The following ACBD6 variants were observed in gnomAD, a reference collection of about 807,000 sequenced individuals.
ACBD6 encodes acyl-CoA-binding domain-containing protein 6.
Under a neutral mutation model 37.2 loss-of-function variants are expected in ACBD6, and 28 were observed. The observed-to-expected ratio is 0.75, with a 90% CI of 0.56 to 1.03. ACBD6 has a LOEUF of 1.03. Among genes scored for constraint, ACBD6 ranks in the 50% least tolerant of loss-of-function variants. ACBD6 has a pLI of 0.00. For missense variants in ACBD6, 340 were observed against 337.4 expected (o/e 1.01, Z -0.06); for synonymous variants, 113 against 126.8 (o/e 0.89, Z 0.73).
intron 10 of ACBD6, chr1:180,274,397 G>T: frequency 6.2e-7 from 1 of 1,614,194 alleles, no homozygotes; most frequent in Non-Finnish European, 8.5e-7. Flanking sequence ...CAATGGGCTG[G>T]ATTACACGGT....
chr1:180,285,183 T>C (rs916000899), downstream of ACBD6, among the ~76,000 whole-genome samples: 2 of 152,162 alleles, frequency 1.3e-5, no homozygotes, highest in African/African-American at 4.8e-5. Flanking sequence ...TGTTATTTCA[T>C]TGAAGCTAAG....
At chr1:180,413,245 T>A in intron 5 of ACBD6, 121 bp downstream of exon 5, 1 of 752,288 alleles carries the variant, frequency 1.3e-6, no homozygotes, top group Admixed American at 1.9e-5. Flanking sequence ...TTAGATATTC[T>A]GATATACTCT....
At chr1:180,389,796 A>T (rs1319078232) in intron 6 of ACBD6, among the ~76,000 whole-genome samples, 2 of 151,918 alleles carry the variant, frequency 1.3e-5, no homozygotes, top group Non-Finnish European at 2.9e-5. Context: ...TGCATAAATG[A>T]CTTCTTTTGA....
At chr1:180,466,034 T>C (rs1266214305) in intron 3 of ACBD6, among the ~76,000 whole-genome samples, 1 of 151,988 alleles carries the variant, frequency 6.6e-6, no homozygotes, top group Admixed American at 6.6e-5. Flanking sequence ...GAAAAGATAA[T>C]TATTGGGTAT....
chr1:180,459,135 AG>A (rs1650028758), intron 3 of ACBD6, among the ~76,000 whole-genome samples: 1 of 152,218 alleles, frequency 6.6e-6, no homozygotes, highest in Non-Finnish European at 1.5e-5. Context: ...TAGGTTCATT[AG>A]ACAATCTGGT....
chr1:180,438,417 T>C (rs903227812), intron 3 of ACBD6: 1 of 152,852 alleles, frequency 6.5e-6, no homozygotes, highest in Non-Finnish European at 1.5e-5. Flanking sequence ...AGGTTGTTCA[T>C]GAGACAATCA....
At chr1:180,370,890 T>C (rs1050092715) in intron 6 of ACBD6, among the ~76,000 whole-genome samples, 6 of 152,100 alleles carry the variant, frequency 3.9e-5, no homozygotes, top group Admixed American at 6.6e-5. Context: ...TGCAAACTTA[T>C]GGAAAACATG....
Position 180,290,187 on chromosome 1 carries a change from C to G in ACBD6, c.695-1670G>C, listed in dbSNP as rs556077649. On this transcript the variant is annotated intron_variant, in intron 7 of 7. Coordinates refer to ENST00000367595, the MANE Select transcript of ACBD6 (RefSeq NM_032360.4). Reference sequence around the variant, plus strand: ...TTGTTTCAAGAGAAAGGGTATGGAGCTGAATTTCACGGACTTTTTGAGACA... The same window carrying G: ...TTGTTTCAAGAGAAAGGGTATGGAGGTGAATTTCACGGACTTTTTGAGACA... Among the ~76,000 whole-genome samples the G allele has an allele frequency of 2.6e-5, 4 of 152,172 alleles. No homozygotes were observed. The South Asian group carries it at 8.3e-4, about 32-fold the overall frequency.
At chr1:180,388,536 A>C (rs1404798781) in intron 6 of ACBD6, among the ~76,000 whole-genome samples, 1 of 152,224 alleles carries the variant, frequency 6.6e-6, no homozygotes, top group African/African-American at 2.4e-5. Flanking sequence ...ATCCACTAAC[A>C]AACTGTCAGA....
intron 6 of ACBD6, among the ~76,000 whole-genome samples, chr1:180,396,000 G>A (rs933455329): frequency 1.3e-5 from 2 of 152,118 alleles, no homozygotes; most frequent in African/African-American, 4.8e-5. Context: ...GCAACCACAT[G>A]GATGAACCTT....
intron 6 of ACBD6, among the ~76,000 whole-genome samples, chr1:180,331,185 C>G (rs1651467752): frequency 6.6e-6 from 1 of 152,196 alleles, no homozygotes; most frequent in Admixed American, 6.5e-5. Context: ...ATGCCAATTA[C>G]AAGTAACTCA....
intron 3 of ACBD6, chr1:180,434,690 T>C: frequency 2.3e-6 from 1 of 441,154 alleles, no homozygotes; most frequent in South Asian, 2.1e-5. Context: ...CTTCGAGTTG[T>C]CCTGTCTTTC....
intron 6 of ACBD6, among the ~76,000 whole-genome samples, chr1:180,318,089 G>C (rs1332924750): frequency 6.7e-6 from 1 of 148,920 alleles, no homozygotes; most frequent in East Asian, 2.0e-4. Flanking sequence ...TTGAACCCAG[G>C]AGATGGAGGT....
rs1291727516 is a variant in ACBD6, at chr1:180,342,603, CACTT to C, written c.664-27885_664-27882del. ...TAATTATCTTAAGTCTACTATAATA[CACTT>C]ACTATTATAATTATGATGCCTTAAT... On this transcript the variant is annotated intron_variant, in intron 6 of 7. Coordinates refer to ENST00000367595, the MANE Select transcript of ACBD6 (RefSeq NM_032360.4). 5.9e-5 allele frequency among the ~76,000 whole-genome samples: 9 copies of C among 152,052 alleles called. No individual in the cohort carries two copies. In the East Asian group the frequency reaches 1.5e-3, roughly 26 times the overall value.
intron 7 of ACBD6, among the ~76,000 whole-genome samples, chr1:180,313,925 A>G (rs916597826): frequency 6.6e-6 from 1 of 152,210 alleles, no homozygotes; most frequent in Admixed American, 6.5e-5. Context: ...GCAGCTCTCT[A>G]AGAGCCATAT....
intron 4 of ACBD6, among the ~76,000 whole-genome samples, chr1:180,416,709 G>A (rs76522288): frequency 6.6e-6 from 1 of 152,156 alleles, no homozygotes; most frequent in Non-Finnish European, 1.5e-5. Context: ...AAATATCAGA[G>A]CACACTCTAT....
At chr1:180,327,171 G>T (rs1434276220) in intron 6 of ACBD6, among the ~76,000 whole-genome samples, 2 of 152,268 alleles carry the variant, frequency 1.3e-5, no homozygotes, top group South Asian at 4.1e-4. Flanking sequence ...CAGTGGTGAG[G>T]TTTATCAAAA....
At chr1:180,423,928 C>T (rs1557863963) in intron 4 of ACBD6, among the ~76,000 whole-genome samples, 1 of 152,030 alleles carries the variant, frequency 6.6e-6, no homozygotes, top group Non-Finnish European at 1.5e-5. Flanking sequence ...GATAATCGAT[C>T]CAAAGGAAAT....
Position 180,397,510 on chromosome 1 carries a change from T to C in ACBD6, c.663+6A>G, listed in dbSNP as rs772232847. 5 of 1,610,418 alleles carry C rather than the reference T, an allele frequency of 3.1e-6. No homozygotes were observed. Among genetic ancestry groups the C allele is most frequent in the Non-Finnish European group, 4.2e-6 (5 of 1,176,604 alleles). ...AAAAATAAAAGCTCTTCTTTATCAC[T>C]CTTACCTGACAGTTAATGTCAGCTC... On this transcript the variant is annotated splice_donor_region_variant and intron_variant, in intron 6 of 7. Coordinates refer to ENST00000367595, the MANE Select transcript of ACBD6 (RefSeq NM_032360.4).
Sources: gnomAD v4.1 joint callset for allele counts (sites outside exome capture counted in the v4.1 genomes callset) on GRCh38, gnomAD v4.1.1 for gene constraint, MANE v1.5 for transcripts, NCBI Gene and HGNC (gene_info 2026-07-23, HGNC 2026-07-21) for gene names.